Variants in OR51E2 observed in about 807,000 individuals in gnomAD.
OR51E2 encodes the protein olfactory receptor family 51 subfamily E member 2, also known as olfactory receptor 51E2.
Under a neutral mutation model 13.7 loss-of-function variants are expected in OR51E2, and 14 were observed. The ratio of observed to expected loss-of-function variants is 1.02; its 90% confidence interval spans 0.68 to 1.60. OR51E2 has a LOEUF of 1.60. Ranked by LOEUF, OR51E2 falls within the 40% of genes most tolerant of loss-of-function variation. The pLI is 0.00. For synonymous variants in OR51E2, 180 were observed against 157.6 expected (o/e 1.14, Z -1.07); for missense variants, 483 against 413.8 (o/e 1.17, Z -1.45).
chr11:4,697,229 T>C (rs1415170200), intron 1 of OR51E2, among the ~76,000 whole-genome samples: 2 of 152,220 alleles, frequency 1.3e-5, no homozygotes, highest in Non-Finnish European at 2.9e-5. Context: ...ACAATTGTTT[T>C]ACTGAAATCT....
rs1028457448 is a variant in OR51E2 at position 4,682,777 on chromosome 11, G to A, written c.-50-16C>T. ...CACTGGCAGTCTGCAGGGACATAGA[G>A]CACAATCAGAGAATGCCCTGGAAAC... On this transcript the variant is annotated splice_polypyrimidine_tract_variant and intron_variant, in intron 1 of 1. Coordinates refer to ENST00000396950, the MANE Select transcript of OR51E2 (RefSeq NM_030774.4). 5.3e-5 allele frequency: 82 copies of A among 1,541,072 alleles called. No homozygotes were observed. Among genetic ancestry groups the A allele is most frequent in the Middle Eastern group, 2.3e-4 (1 of 4,400 alleles).
At chr11:4,692,038 C>A in intron 1 of OR51E2, 1 of 349,180 alleles carries the variant, frequency 2.9e-6, no homozygotes, top group Non-Finnish European at 5.7e-6. Context: ...CTGAGTTTGC[C>A]AATCATATTT....
intron 1 of OR51E2, among the ~76,000 whole-genome samples, chr11:4,692,905 G>A (rs896288602): frequency 6.6e-6 from 1 of 151,890 alleles, no homozygotes; most frequent in African/African-American, 2.4e-5. Flanking sequence ...CAGAAAACTA[G>A]ATGAAAAACA....
chr11:4,687,733 T>C (rs1847531873), intron 1 of OR51E2, among the ~76,000 whole-genome samples: 2 of 151,776 alleles, frequency 1.3e-5, no homozygotes, highest in Admixed American at 6.6e-5. Context: ...GTGGGGAGAA[T>C]GGTGACAAGA....
At chr11:4,696,732 TC>T (rs1847660936) in intron 1 of OR51E2, among the ~76,000 whole-genome samples, 1 of 152,162 alleles carries the variant, frequency 6.6e-6, no homozygotes, top group Non-Finnish European at 1.5e-5. Flanking sequence ...CTATATTCTC[TC>T]AACTAATTTT....
intron 1 of OR51E2, among the ~76,000 whole-genome samples, chr11:4,687,822 G>C (rs891088073): frequency 6.6e-5 from 10 of 152,176 alleles, no homozygotes; most frequent in Non-Finnish European, 1.5e-4. Flanking sequence ...GCAGACCAGA[G>C]AGGTCAGGAA....
chr11:4,685,019 G>T (rs1478370032), intron 1 of OR51E2: 2 of 152,256 alleles, frequency 1.3e-5, no homozygotes, highest in Non-Finnish European at 2.9e-5. Flanking sequence ...AGGATGGCAG[G>T]AGCTAAGCCT....
chr11:4,697,710 G>A lies in OR51E2; in HGVS notation c.-108C>T, dbSNP rs1363158203. ...CAGGCTGACTCAGAAGGCTGAGGAG[G>A]CTTTAGATTCCAGGGGAGGGCCGAG... On this transcript the variant is annotated 5_prime_UTR_variant, in exon 1 of 2. Transcript: ENST00000396950. 1 of 152,646 alleles carries A rather than the reference G, an allele frequency of 6.6e-6. No individual in the cohort carries two copies. The highest frequency in any genetic ancestry group is 6.5e-5 in the Admixed American group (1 of 15,284). The allele number at this position is 152,646 out of a possible 1,614,324, so 9.5% of individuals were successfully genotyped here.
At chr11:4,696,264 T>C (rs1236135869) in intron 1 of OR51E2, among the ~76,000 whole-genome samples, 1 of 152,078 alleles carries the variant, frequency 6.6e-6, no homozygotes, top group African/African-American at 2.4e-5. Flanking sequence ...CATTCTCTCG[T>C]CCCCTCCAAA....
intron 1 of OR51E2, among the ~76,000 whole-genome samples, chr11:4,689,224 G>A (rs1847549789): frequency 2.0e-5 from 3 of 152,184 alleles, no homozygotes. Context: ...CAAACAGGCT[G>A]AGGATTTGAC....
Position 4,680,576 on chromosome 11 carries a change from G to C in OR51E2, c.*1173C>G, listed in dbSNP as rs1409509810. On this transcript the variant is annotated 3_prime_UTR_variant, in exon 2 of 2. Transcript: ENST00000396950. ...ACCATCAAATTTAATTTTAAATCTT[G>C]GCACAGTGCCCACAAGCCGTGTGAC... is the stretch of plus-strand genomic sequence containing the variant. 1 of 152,560 alleles carries C rather than the reference G, an allele frequency of 6.6e-6. No individual in the cohort carries two copies. Among genetic ancestry groups the C allele is most frequent in the Admixed American group, 6.5e-5 (1 of 15,282 alleles). The allele number at this position is 152,560 out of a possible 1,614,324, so 9.5% of individuals were successfully genotyped here.
chr11:4,693,171 C>T (rs1392692345), intron 1 of OR51E2, among the ~76,000 whole-genome samples: 1 of 152,152 alleles, frequency 6.6e-6, no homozygotes, highest in Non-Finnish European at 1.5e-5. Context: ...TTGATTTGGT[C>T]ATTCCACAAT....
rs891465916 is a variant in OR51E2 at position 4,682,640 on chromosome 11, G to A, written c.72C>T (p.Phe24=). ...TGGAAAGGAGGGGGAAGCCAACCCAGAAATGGGCTTTCTCTAATCCTGGGA... is the reference window on the plus strand; with the variant it reads ...TGGAAAGGAGGGGGAAGCCAACCCAAAAATGGGCTTTCTCTAATCCTGGGA... ...IGIPGLEKAH[F]WVGFPLLSMY... Residue 24 remains phenylalanine, a synonymous_variant, in exon 2 of 2, where the codon TTC becomes TTT. Coordinates refer to ENST00000396950, the MANE Select transcript of OR51E2 (RefSeq NM_030774.4). 3 of 1,614,234 alleles carry A rather than the reference G, an allele frequency of 1.9e-6. No homozygotes were observed. Among genetic ancestry groups the A allele is most frequent in the Non-Finnish European group, 2.5e-6 (3 of 1,180,044 alleles).
intron 1 of OR51E2, among the ~76,000 whole-genome samples, chr11:4,696,755 G>A (rs553018958): frequency 7.2e-5 from 11 of 151,962 alleles, no homozygotes; most frequent in Admixed American, 1.3e-4. Flanking sequence ...CTGCCCACTC[G>A]GATTACAATG....
intron 1 of OR51E2, among the ~76,000 whole-genome samples, chr11:4,693,455 C>T (rs947960775): frequency 2.6e-5 from 4 of 152,324 alleles, no homozygotes; most frequent in Middle Eastern, 3.4e-3. Context: ...GGCGCGGTGG[C>T]TCACGCCTGT....
intron 1 of OR51E2, among the ~76,000 whole-genome samples, chr11:4,683,930 ATC>A (rs1452794969): frequency 6.6e-6 from 1 of 152,326 alleles, no homozygotes. Context: ...TTCATTGATC[ATC>A]TGTTTCATTG....
At chr11:4,696,994 G>A (rs373657541) in intron 1 of OR51E2, among the ~76,000 whole-genome samples, 7 of 152,252 alleles carry the variant, frequency 4.6e-5, no homozygotes, top group Non-Finnish European at 8.8e-5. Flanking sequence ...TACTGGACAC[G>A]TGTTCTGTGA....
intron 1 of OR51E2, among the ~76,000 whole-genome samples, chr11:4,692,942 C>G (rs551078744): frequency 3.9e-4 from 59 of 151,922 alleles, no homozygotes; most frequent in African/African-American, 1.4e-3. Flanking sequence ...ACGATTTGGC[C>G]AAATAATGAA....
At chr11:4,683,664 T>C (rs1847483318) in intron 1 of OR51E2, among the ~76,000 whole-genome samples, 1 of 152,198 alleles carries the variant, frequency 6.6e-6, no homozygotes, top group Admixed American at 6.5e-5. Flanking sequence ...AATTTTACAA[T>C]GATATTTTTA....
Sources: gnomAD v4.1 joint callset for allele counts (sites outside exome capture counted in the v4.1 genomes callset) on GRCh38, gnomAD v4.1.1 for gene constraint, MANE v1.5 for transcripts, NCBI Gene and HGNC (gene_info 2026-07-23, HGNC 2026-07-21) for gene names.